CHST8: variants seen among roughly 807,000 people sequenced by gnomAD.
CHST8 encodes GALNAC-4-ST1.
Under a neutral mutation model 15.0 loss-of-function variants are expected in CHST8, and 10 were observed. The observed-to-expected ratio is 0.67, with a 90% CI of 0.41 to 1.13. The LOEUF (loss-of-function observed/expected upper bound fraction) is 1.13, where lower values mean the gene tolerates loss of function less well. Among genes scored for constraint, CHST8 ranks in the 50% most tolerant of loss-of-function variants. The pLI, the probability that CHST8 is intolerant of heterozygous loss-of-function variation, is 0.00. For missense variants in CHST8, 634 were observed against 608.2 expected (o/e 1.04, Z -0.45); for synonymous variants, 259 against 256.6 (o/e 1.01, Z -0.09).
chr19:33,699,891 C>T (rs901491327), intron 3 of CHST8, among the ~76,000 whole-genome samples: 4 of 152,148 alleles, frequency 2.6e-5, no homozygotes, highest in African/African-American at 9.7e-5. Context: ...GGACAAATGT[C>T]GTGGGTGGGC....
At chr19:33,739,279 A>T (rs1974142353) in intron 3 of CHST8, among the ~76,000 whole-genome samples, 1 of 152,040 alleles carries the variant, frequency 6.6e-6, no homozygotes, top group South Asian at 2.1e-4. Flanking sequence ...CCTCCACAAG[A>T]TGAAGTGTTA....
intron 3 of CHST8, among the ~76,000 whole-genome samples, chr19:33,724,416 C>T (rs937372349): frequency 2.0e-5 from 3 of 152,228 alleles, no homozygotes; most frequent in Non-Finnish European, 4.4e-5. Flanking sequence ...ATGAGGATAC[C>T]CCCGGCCCCC....
intron 1 of CHST8, among the ~76,000 whole-genome samples, chr19:33,644,409 TA>T (rs763693343): frequency 3.9e-5 from 6 of 151,942 alleles, no homozygotes; most frequent in Non-Finnish European, 8.8e-5. Context: ...AGTGTTCTGG[TA>T]AGGGCAGCAG....
intron 1 of CHST8, among the ~76,000 whole-genome samples, chr19:33,656,911 T>C (rs1972516014): frequency 6.6e-6 from 1 of 152,174 alleles, no homozygotes; most frequent in African/African-American, 2.4e-5. Flanking sequence ...ATAATGTATC[T>C]TCTATATTTG....
At chr19:33,662,772 C>T (rs773457521) in intron 1 of CHST8, among the ~76,000 whole-genome samples, 16 of 152,198 alleles carry the variant, frequency 1.1e-4, no homozygotes, top group Non-Finnish European at 1.6e-4. Context: ...TGTTCCCGAA[C>T]GCCAACCTTT....
intron 2 of CHST8, among the ~76,000 whole-genome samples, chr19:33,682,189 T>G (rs997800820): frequency 4.3e-5 from 4 of 92,276 alleles, no homozygotes; most frequent in South Asian, 3.2e-4. Flanking sequence ...TTGTTGTTGT[T>G]TTTTTTTTTT....
intron 2 of CHST8, among the ~76,000 whole-genome samples, chr19:33,674,735 A>G (rs183922904): frequency 1.2e-3 from 190 of 152,222 alleles, no homozygotes; most frequent in Non-Finnish European, 2.3e-3. Context: ...CCACCCTCCC[A>G]CCACCTTCCC....
intron 1 of CHST8, among the ~76,000 whole-genome samples, chr19:33,641,307 C>T (rs577395201): frequency 1.3e-5 from 2 of 152,274 alleles, no homozygotes; most frequent in African/African-American, 2.4e-5. Context: ...TCAGAGTCCT[C>T]GGGGAACAGG....
At chr19:33,742,216 C>T (rs1473567666) in intron 3 of CHST8, among the ~76,000 whole-genome samples, 1 of 152,142 alleles carries the variant, frequency 6.6e-6, no homozygotes, top group East Asian at 1.9e-4. Flanking sequence ...GATGTGGTCT[C>T]TCCTTTGGTC....
Position 33,759,391 on chromosome 19 carries a change from C to T in CHST8, c.131-12022C>T, listed in dbSNP as rs140218843. Among the ~76,000 whole-genome samples, 1,070 of 152,326 alleles carry T rather than the reference C, an allele frequency of 7.0e-3. 15 individuals are homozygous for T. Among genetic ancestry groups the T allele is most frequent in the African/African-American group, 0.024 (996 of 41,582 alleles). On this transcript the variant is annotated intron_variant, in intron 3 of 4. Coordinates refer to ENST00000650847, the MANE Select transcript of CHST8 (RefSeq NM_001127895.2). Reference sequence around the variant, plus strand: ...GCCAGACAAGAGGAGGCGTTGACATCCGTCCCATTTAACCCACCAGGCATG... The same window carrying T: ...GCCAGACAAGAGGAGGCGTTGACATTCGTCCCATTTAACCCACCAGGCATG...
chr19:33,713,385 A>T (rs1010100900), intron 3 of CHST8, among the ~76,000 whole-genome samples: 12 of 152,006 alleles, frequency 7.9e-5, no homozygotes, highest in African/African-American at 2.7e-4. Context: ...ATGCAATGGC[A>T]TGCTTGGTGA....
At chr19:33,644,304 C>A (rs1208997384) in intron 1 of CHST8, among the ~76,000 whole-genome samples, 1 of 152,128 alleles carries the variant, frequency 6.6e-6, no homozygotes, top group African/African-American at 2.4e-5. Flanking sequence ...TTATGGAGAA[C>A]AAAGTGTGTG....
chr19:33,680,490 G>A (rs375213446), intron 2 of CHST8, among the ~76,000 whole-genome samples: 120 of 152,290 alleles, frequency 7.9e-4, no homozygotes, highest in African/African-American at 1.5e-3. Context: ...CATGGATCAC[G>A]TCAGCCCTCT....
chr19:33,711,212 C>T (rs915189295), intron 3 of CHST8, among the ~76,000 whole-genome samples: 4 of 152,058 alleles, frequency 2.6e-5, no homozygotes, highest in Non-Finnish European at 4.4e-5. Flanking sequence ...TTTCCTGTTC[C>T]GTCATTTCAT....
At chr19:33,701,498 G>C (rs907116613) in intron 3 of CHST8, among the ~76,000 whole-genome samples, 2 of 152,176 alleles carry the variant, frequency 1.3e-5, no homozygotes, top group Admixed American at 6.5e-5. Flanking sequence ...TATGCTAAAA[G>C]TTCCTAGGGG....
intron 3 of CHST8, among the ~76,000 whole-genome samples, chr19:33,718,123 T>C (rs764243893): frequency 7.9e-5 from 12 of 152,102 alleles, no homozygotes; most frequent in Admixed American, 5.2e-4. Context: ...TTGGAGTCCA[T>C]AGGTTATTTG....
intron 3 of CHST8, among the ~76,000 whole-genome samples, chr19:33,743,594 C>T (rs888780102): frequency 1.3e-5 from 2 of 152,020 alleles, no homozygotes; most frequent in Non-Finnish European, 1.5e-5. Context: ...AGCCACTGCG[C>T]CCGGCCTACC....
chr19:33,766,418 C>A (rs912831655), intron 3 of CHST8, among the ~76,000 whole-genome samples: 5 of 152,186 alleles, frequency 3.3e-5, no homozygotes, highest in Non-Finnish European at 5.9e-5. Flanking sequence ...CCTGCCAGCA[C>A]CCTGCACTCG....
intron 3 of CHST8, among the ~76,000 whole-genome samples, chr19:33,721,503 T>G (rs953918987): frequency 2.0e-5 from 3 of 151,710 alleles, no homozygotes; most frequent in Admixed American, 6.6e-5. Context: ...AGTGGGAAGA[T>G]GGATGGATGG....
Sources: allele counts gnomAD v4.1 joint callset (sites outside exome capture counted in the v4.1 genomes callset), GRCh38; gene constraint gnomAD v4.1.1; transcripts MANE v1.5; gene names NCBI Gene and HGNC (gene_info 2026-07-23, HGNC 2026-07-21).